Variants in CSF2RA observed in about 807,000 individuals in gnomAD.
CSF2RA encodes the protein colony stimulating factor 2 receptor subunit alpha, also known as granulocyte-macrophage colony-stimulating factor receptor subunit alpha.
Under a neutral mutation model 51.6 loss-of-function variants are expected in CSF2RA, and 42 were observed. That is an observed-to-expected ratio of 0.81 (90% CI 0.64 to 1.05). The LOEUF is 1.05. Ranked by LOEUF, CSF2RA falls within the 50% of genes least tolerant of loss-of-function variation. The pLI, the probability that CSF2RA is intolerant of heterozygous loss-of-function variation, is 0.00. For missense variants in CSF2RA, 530 were observed against 501.1 expected, an observed-to-expected ratio of 1.06 and a Z score of -0.55; for synonymous variants, 222 against 193.0, an observed-to-expected ratio of 1.15 and a Z score of -1.24.
the CSF2RA span, among the ~76,000 whole-genome samples, chrX:1,316,030 AG>A: frequency 1.1e-5 from 1 of 91,400 alleles, no homozygotes; most frequent in African/African-American, 4.3e-5. Flanking sequence ...ATAGATACAT[AG>A]ATAGACCAAT....
chrX:1,287,808 C>T (rs1479406342), intron 4 of CSF2RA, among the ~76,000 whole-genome samples: 1 of 138,906 alleles, frequency 7.2e-6, no homozygotes, highest in Non-Finnish European at 1.6e-5. Flanking sequence ...GTGATCTCAG[C>T]TCACTGCAAC....
chrX:1,306,295 AAGAG>A (rs1216042727), intron 12 of CSF2RA, among the ~76,000 whole-genome samples: 1 of 151,880 alleles, frequency 6.6e-6, no homozygotes, highest in Admixed American at 6.6e-5. Flanking sequence ...GGGAGAAGGA[AAGAG>A]AGAGACACGA....
chrX:1,309,484 C>G lies in CSF2RA; in HGVS notation c.*5C>G, dbSNP rs1458934313. 1.2e-6 allele frequency: 2 copies of G among 1,613,874 alleles called. No homozygotes were observed. Among genetic ancestry groups the G allele is most frequent in the Non-Finnish European group, 1.7e-6 (2 of 1,179,872 alleles). ...ACCGTGAAGGAAATTACCTGAGACC[C>G]AGAGGGTGTAGGAATGGCATGGACA... On this transcript the variant is annotated 3_prime_UTR_variant, in exon 13 of 13. Coordinates refer to ENST00000381529, the MANE Select transcript of CSF2RA (RefSeq NM_172245.4).
intron 10 of CSF2RA, among the ~76,000 whole-genome samples, chrX:1,301,194 G>C (rs373025683): frequency 6.9e-6 from 1 of 145,610 alleles, no homozygotes; most frequent in East Asian, 2.0e-4. Flanking sequence ...AACCAGGATT[G>C]GTGGCACATT....
At chrX:1,289,271 G>C (rs754671489) in intron 6 of CSF2RA, among the ~76,000 whole-genome samples, 1 of 152,238 alleles carries the variant, frequency 6.6e-6, no homozygotes, top group Admixed American at 6.5e-5. Context: ...GGGACTACAG[G>C]TGCACTCCAC....
At chrX:1,314,491 C>G (rs745636781), downstream of CSF2RA, among the ~76,000 whole-genome samples, 1 of 141,768 alleles carries the variant, frequency 7.1e-6, no homozygotes, top group East Asian at 2.0e-4. Context: ...TACCCAACCC[C>G]ACTGTGCCTG....
At chrX:1,314,228 TGCAC>T (rs2084314545), downstream of CSF2RA, among the ~76,000 whole-genome samples, 1 of 149,008 alleles carries the variant, frequency 6.7e-6, no homozygotes, top group Non-Finnish European at 1.5e-5. Flanking sequence ...CCAACCCCAC[TGCAC>T]CTGCCCAACC....
intron 7 of CSF2RA, among the ~76,000 whole-genome samples, chrX:1,291,106 G>A (rs1473382607): frequency 1.3e-5 from 2 of 151,898 alleles, no homozygotes; most frequent in Non-Finnish European, 2.9e-5. Flanking sequence ...ATTTTTAGTA[G>A]AGGCAGTGTT....
At chrX:1,275,702 G>C (rs1252668376) in intron 2 of CSF2RA, among the ~76,000 whole-genome samples, 1 of 149,402 alleles carries the variant, frequency 6.7e-6, no homozygotes, top group Non-Finnish European at 1.5e-5. Flanking sequence ...GGGACTACAG[G>C]CGCCCACCAC....
At chrX:1,323,751 A>C in the CSF2RA span, among the ~76,000 whole-genome samples, 2 of 151,976 alleles carry the variant, frequency 1.3e-5, no homozygotes, top group African/African-American at 4.8e-5. Context: ...GCAGTGGCTC[A>C]CGCCTGTAAT....
chrX:1,294,361 G>T lies in CSF2RA; in HGVS notation c.680G>T (p.Arg227Leu). Residue 227 changes from arginine (R) to leucine (L), a missense_variant, in exon 8 of 13, where the codon CGT (arginine) becomes CTT (leucine). Coordinates refer to ENST00000381529, the MANE Select transcript of CSF2RA (RefSeq NM_172245.4). ...AACCCTCCCAGCAATGTCACCGTAC[G>T]TTGCAACACGACGCACTGCCTCGTA... ...RFNPPSNVTV[R>L]CNTTHCLVRW... 2 of 1,613,834 alleles carry T rather than the reference G, an allele frequency of 1.2e-6. No homozygotes were observed. Among genetic ancestry groups the T allele is most frequent in the Non-Finnish European group, 1.7e-6 (2 of 1,179,832 alleles).
chrX:1,304,791 A>G (rs1354962503), intron 11 of CSF2RA, among the ~76,000 whole-genome samples: 3 of 150,708 alleles, frequency 2.0e-5, no homozygotes, highest in Non-Finnish European at 4.4e-5. Flanking sequence ...CAGCCTCCCG[A>G]GTAGCTGGGA....
intron 9 of CSF2RA, among the ~76,000 whole-genome samples, chrX:1,299,451 G>T (rs1411120707): frequency 6.6e-6 from 1 of 152,126 alleles, no homozygotes; most frequent in Non-Finnish European, 1.5e-5. Context: ...TTGAGACGGA[G>T]TCTCGCTCTG....
At chrX:1,286,264 C>G (rs1449591988) in intron 4 of CSF2RA, among the ~76,000 whole-genome samples, 3 of 143,706 alleles carry the variant, frequency 2.1e-5, no homozygotes, top group Non-Finnish European at 3.0e-5. Flanking sequence ...CAGAGCGAGA[C>G]TCTGTCTCAT....
At chrX:1,320,021 G>A in the CSF2RA span, among the ~76,000 whole-genome samples, 2 of 138,054 alleles carry the variant, frequency 1.4e-5, no homozygotes, top group Admixed American at 7.1e-5. Flanking sequence ...TCAGCCTTCC[G>A]AGTAGCTGGG....
chrX:1,281,934 G>T (rs1174890343), intron 2 of CSF2RA: 1 of 142,232 alleles, frequency 7.0e-6, no homozygotes, highest in African/African-American at 2.6e-5. Context: ...GGTGGCTCAC[G>T]CCTGTAATCC....
At chrX:1,299,449 G>A (rs776645566) in intron 9 of CSF2RA, among the ~76,000 whole-genome samples, 2 of 152,214 alleles carry the variant, frequency 1.3e-5, no homozygotes, top group South Asian at 4.1e-4. Flanking sequence ...TTTTGAGACG[G>A]AGTCTCGCTC....
At chrX:1,287,042 T>C (rs1430358950) in intron 4 of CSF2RA, 2 of 152,034 alleles carry the variant, frequency 1.3e-5, no homozygotes, top group East Asian at 3.9e-4. Flanking sequence ...GATGATTTAT[T>C]GACTGATAGG....
intron 1 of CSF2RA, among the ~76,000 whole-genome samples, chrX:1,271,662 G>T (rs1450651611): frequency 6.6e-6 from 1 of 151,886 alleles, no homozygotes; most frequent in Non-Finnish European, 1.5e-5. Context: ...GATTACAGGT[G>T]TGTGCTACCA....
Sources: gnomAD v4.1 joint callset for allele counts (sites outside exome capture counted in the v4.1 genomes callset) on GRCh38, gnomAD v4.1.1 for gene constraint, MANE v1.5 for transcripts, NCBI Gene and HGNC (gene_info 2026-07-23, HGNC 2026-07-21) for gene names.